ARG1: variants seen among roughly 807,000 people sequenced by gnomAD.
ARG1 encodes arginase 1.
ARG1 carries 20 observed loss-of-function variants against 33.0 expected under a neutral mutation model. That is an observed-to-expected ratio of 0.61 (90% confidence interval 0.43 to 0.88). The LOEUF (loss-of-function observed/expected upper bound fraction) is 0.88, where lower values mean the gene tolerates loss of function less well. Ranked by LOEUF, ARG1 falls within the 40% of genes least tolerant of loss-of-function variation. The pLI is 0.00. For synonymous variants in ARG1, 146 were observed against 140.6 expected (o/e 1.04, Z -0.27); for missense variants, 374 against 384.7 (o/e 0.97, Z 0.23).
rs1288330812 is a variant in ARG1, at chr6:131,581,315, A to C, written c.402A>C (p.Thr134=). ...ACACTGATATCAACACTCCACTGACAACCACAAGTGGAAACTTGCATGGAC... is the reference window on the plus strand; with the variant it reads ...ACACTGATATCAACACTCCACTGACCACCACAAGTGGAAACTTGCATGGAC... ...DAHTDINTPL[T]TTSGNLHGQP... is the part of the protein sequence containing the mutation. The change falls in exon 4 of 8, where the codon ACA becomes ACC. Residue 134 remains threonine (T), a synonymous_variant. Transcript: ENST00000368087. 4 of 1,613,844 alleles carry C rather than the reference A, an allele frequency of 2.5e-6. No homozygotes were observed. The highest frequency in any genetic ancestry group is 3.4e-6 in the Non-Finnish European group (4 of 1,179,886).
rs1316628197 is a variant in ARG1, at chr6:131,584,092, G to A, written c.*184G>A. The A allele has an allele frequency of 1.4e-6, 1 of 691,616 alleles. No homozygotes were observed. The highest frequency in any genetic ancestry group is 3.2e-5 in the Admixed American group (1 of 31,516). 42.8% of individuals were successfully genotyped at this position (691,616 alleles called of 1,614,324 possible). On this transcript the variant is annotated 3_prime_UTR_variant, in exon 8 of 8. Coordinates refer to ENST00000368087, the MANE Select transcript of ARG1 (RefSeq NM_000045.4). Reference sequence around the variant, plus strand: ...AAGATGTGGAAATTCTAACTTTTTTGAAATTTAAAAGCTTATATTTTCTAA... The same window carrying A: ...AAGATGTGGAAATTCTAACTTTTTTAAAATTTAAAAGCTTATATTTTCTAA...
chr6:131,582,507 T>C (rs1399987224), intron 4 of ARG1, 114 bp from the exon 5 acceptor site: 3 of 793,262 alleles, frequency 3.8e-6, no homozygotes, highest in African/African-American at 3.5e-5. Flanking sequence ...TGATTTCTTC[T>C]GTATTTATAT....
At chr6:131,579,026 C>CTATT (rs1343133294) in intron 2 of ARG1, 85 bp from the exon 3 acceptor site, 1 of 1,465,882 alleles carries the variant, frequency 6.8e-7, no homozygotes, top group Non-Finnish European at 9.4e-7. Context: ...GAATATATGC[C>CTATT]TATTTTATAC....
intron 7 of ARG1, 22 bp downstream of exon 7, chr6:131,583,513 T>A (rs1263528582): frequency 6.2e-7 from 1 of 1,613,628 alleles, no homozygotes; most frequent in Non-Finnish European, 8.5e-7. Flanking sequence ...TCTGAGGTAA[T>A]AGAGAAGCAA....
rs73544620 is a variant in ARG1, at chr6:131,574,378, G to T, written c.57+1039G>T. 3 of 1,508,250 alleles carry T rather than the reference G, an allele frequency of 2.0e-6. No individual in the cohort carries two copies. In the Admixed American group the frequency reaches 5.0e-5, roughly 25 times the overall value. 93.4% of individuals were successfully genotyped at this position (1,508,250 alleles called of 1,614,324 possible). A position where few individuals can be genotyped will look rare whatever the true frequency, so the allele number is the denominator to read the frequency against. On this transcript the variant is annotated intron_variant, in intron 1 of 7. Coordinates refer to ENST00000368087, the MANE Select transcript of ARG1 (RefSeq NM_000045.4). ...CAGTAAATACTACTTTGCTTCCCCT[G>T]GAAATCCTCCAAAAGTCTCTCCCAA...
At position 131,577,374 on chromosome 6, in the gene ARG1, T is replaced by G. The variant is rs149267228; in HGVS notation, c.130+639T>G. The stretch of plus-strand genomic sequence containing the variant: ...TCTCAGGTAAACATATATTTACATT[T>G]TGACCCAGCAGTTCTACTCCTGGGT... On this transcript the variant is annotated intron_variant, in intron 2 of 7. Coordinates refer to ENST00000368087, the MANE Select transcript of ARG1 (RefSeq NM_000045.4). Among the ~76,000 whole-genome samples, 74 of 152,290 alleles carry G rather than the reference T, an allele frequency of 4.9e-4. 2 individuals carry two copies. Among genetic ancestry groups the G allele is most frequent in the African/African-American group, 1.7e-3 (71 of 41,546 alleles).
intron 1 of ARG1, 97 bp from the exon 2 acceptor site, chr6:131,576,566 G>A (rs1474253234): frequency 6.7e-6 from 8 of 1,189,038 alleles, no homozygotes; most frequent in Non-Finnish European, 1.0e-5. Flanking sequence ...AAAAATGATA[G>A]TTACAGTTCA....
At chr6:131,574,089 A>G in intron 1 of ARG1, 1 of 660,092 alleles carries the variant, frequency 1.5e-6, no homozygotes, top group South Asian at 1.8e-5. Context: ...GGGCACACTT[A>G]TTCTAGTAAA....
rs765859028 is a variant in ARG1 at position 131,581,320 on chromosome 6, C to T, written c.407C>T (p.Thr136Ile). The stretch of plus-strand genomic sequence containing the variant: ...GATATCAACACTCCACTGACAACCA[C>T]AAGTGGAAACTTGCATGGACAACCT... ...HTDINTPLTT[T>I]SGNLHGQPVS... The change falls in exon 4 of 8, where the codon ACA becomes ATA. Residue 136 changes from threonine to isoleucine, a missense_variant. By Grantham distance (89) the Thr-to-Ile change is moderately conservative (BLOSUM62 -1). Coordinates refer to ENST00000368087, the MANE Select transcript of ARG1 (RefSeq NM_000045.4). The T allele has an allele frequency of 1.9e-6, 3 of 1,613,848 alleles. No homozygotes were observed. The highest frequency in any genetic ancestry group is 2.7e-5 in the African/African-American group (2 of 75,038).
Position 131,581,479 on chromosome 6 carries a change from G to A in ARG1, c.465+101G>A, listed in dbSNP as rs111292763. On this transcript the variant is annotated intron_variant, in intron 4 of 7. Coordinates refer to ENST00000368087, the MANE Select transcript of ARG1 (RefSeq NM_000045.4). ...AACTCCATGTTATCTTATTCTTGGT[G>A]TAATCTCAAATCATTTTCTCTGCAG... 3,284 of 1,353,216 alleles carry A rather than the reference G, an allele frequency of 2.4e-3. 68 individuals carry two copies. In the African/African-American group the frequency reaches 0.043, roughly 18 times the overall value. The allele number at this position is 1,353,216 out of a possible 1,614,324, so 83.8% of individuals were successfully genotyped here.
chr6:131,583,926 A>G lies in ARG1; in HGVS notation c.*18A>G, dbSNP rs1302005911. Reference sequence around the variant, plus strand: ...CTAAGTAAATGTGGAAACATCCGATATAAATCTCATAGTTAATGGCATAAT... The same window carrying G: ...CTAAGTAAATGTGGAAACATCCGATGTAAATCTCATAGTTAATGGCATAAT... On this transcript the variant is annotated 3_prime_UTR_variant, in exon 8 of 8. Transcript: ENST00000368087. The G allele has an allele frequency of 1.2e-6, 2 of 1,611,874 alleles. No individual in the cohort carries two copies. Among genetic ancestry groups the G allele is most frequent in the South Asian group, 1.1e-5 (1 of 91,028 alleles).
chr6:131,579,846 A>ATG (rs1161893412), intron 3 of ARG1, among the ~76,000 whole-genome samples: 16 of 149,364 alleles, frequency 1.1e-4, no homozygotes, highest in South Asian at 4.2e-4. Flanking sequence ...GTGTGTGTGT[A>ATG]TGTGTGTGTG....
chr6:131,575,623 A>G lies in ARG1; in HGVS notation c.58-1040A>G, dbSNP rs556817812. Among the ~76,000 whole-genome samples the G allele has an allele frequency of 9.2e-5, 14 of 152,332 alleles. No homozygotes were observed. In the South Asian group the frequency reaches 2.1e-3, roughly 23 times the overall value. ...TGCTTACTTTGATGCCACAGCCCCA[A>G]TCCTAAAGATAGACACACGTGTCTT... is the stretch of plus-strand genomic sequence containing the variant. On this transcript the variant is annotated intron_variant, in intron 1 of 7. Transcript: ENST00000368087.
chr6:131,574,117 A>G (rs1773499430), intron 1 of ARG1: 2 of 762,694 alleles, frequency 2.6e-6, no homozygotes, highest in Non-Finnish European at 4.6e-6. Flanking sequence ...TGATGACAGA[A>G]CACCTTAGAC....
chr6:131,576,613 A>G (rs1773624019), intron 1 of ARG1, 50 bp from the exon 2 acceptor site: 1 of 1,528,884 alleles, frequency 6.5e-7, no homozygotes, highest in Admixed American at 1.7e-5. Context: ...TGCTGTGAGC[A>G]TCTGATGGTC....
chr6:131,577,124 TAAC>T (rs760836063), intron 2 of ARG1, among the ~76,000 whole-genome samples: 20 of 152,152 alleles, frequency 1.3e-4, no homozygotes, highest in Non-Finnish European at 2.4e-4. Flanking sequence ...ATAATGATAA[TAAC>T]AACAGCGCCT....
At chr6:131,579,402 A>C in intron 3 of ARG1, 117 bp downstream of exon 3, 1 of 1,258,354 alleles carries the variant, frequency 7.9e-7, no homozygotes, top group Non-Finnish European at 1.1e-6. Flanking sequence ...TTTTATATCA[A>C]ATTTTCTGCC....
chr6:131,584,279 C>T lies in ARG1; in HGVS notation c.*371C>T, dbSNP rs1774089744. ...CCACATGTGGAAAGGTACTATGTGTCCATGTCATTCAAAAAATGTGATTTT... is the reference window on the plus strand; with the variant it reads ...CCACATGTGGAAAGGTACTATGTGTTCATGTCATTCAAAAAATGTGATTTT... On this transcript the variant is annotated 3_prime_UTR_variant, in exon 8 of 8. Transcript: ENST00000368087. 4.7e-6 allele frequency: 1 copy of T among 210,946 alleles called. No individual in the cohort carries two copies. Among genetic ancestry groups the T allele is most frequent in the Admixed American group, 5.4e-5 (1 of 18,532 alleles). 13.1% of individuals were successfully genotyped at this position (210,946 alleles called of 1,614,324 possible).
chr6:131,579,601 T>C (rs976103606), intron 3 of ARG1: 3 of 243,484 alleles, frequency 1.2e-5, no homozygotes, highest in Non-Finnish European at 2.4e-5. Flanking sequence ...TTATTTGTTC[T>C]TAATTGCCGA....
Sources: gnomAD v4.1 joint callset for allele counts (sites outside exome capture counted in the v4.1 genomes callset) on GRCh38, gnomAD v4.1.1 for gene constraint, MANE v1.5 for transcripts, NCBI Gene and HGNC (gene_info 2026-07-23, HGNC 2026-07-21) for gene names.